The following HEATR5A variants were observed in gnomAD, a reference collection of about 807,000 sequenced individuals.
HEATR5A encodes the protein HEAT repeat containing 5A.
Under a neutral mutation model 218.8 loss-of-function variants are expected in HEATR5A, and 178 were observed. The observed-to-expected ratio is 0.81, with a 90% CI of 0.72 to 0.92. HEATR5A has a LOEUF of 0.92. Ranked by LOEUF, HEATR5A falls within the 40% of genes least tolerant of loss-of-function variation. The probability of loss-of-function intolerance (pLI) is 0.00; values close to 1 mark genes in which losing one functional copy is unlikely to be tolerated. For synonymous variants in HEATR5A, 864 were observed against 871.6 expected (o/e 0.99, Z 0.15); for missense variants, 2,420 against 2,418.9 (o/e 1.00, Z -0.01).
chr14:31,385,270 A>G (rs1278171809), intron 9 of HEATR5A, among the ~76,000 whole-genome samples: 1 of 152,050 alleles, frequency 6.6e-6, no homozygotes, highest in Non-Finnish European at 1.5e-5. Flanking sequence ...GGACTACTAC[A>G]AGTGCACACC....
In HEATR5A at chr14:31,352,373, C is replaced by T. The variant is rs17097832; in HGVS notation, c.2412-1656G>A. On this transcript the variant is annotated intron_variant, in intron 16 of 35. Transcript: ENST00000543095. ...AAGACAACAGCATCAGGTAATTAAA[C>T]ACACGGCATGACTGGCTGAACATGA... 3.9e-3 allele frequency among the ~76,000 whole-genome samples: 588 copies of T among 152,284 alleles called. 9 individuals are homozygous for T. Among genetic ancestry groups the T allele is most frequent in the African/African-American group, 0.013 (542 of 41,562 alleles).
chr14:31,328,890 GAAA>G (rs71112399), intron 22 of HEATR5A, among the ~76,000 whole-genome samples: 2 of 143,080 alleles, frequency 1.4e-5, no homozygotes, highest in Admixed American at 7.0e-5. Flanking sequence ...GAAAGAAAAG[GAAA>G]AAAAAAAAAA....
chr14:31,329,203 C>T (rs1330711638), intron 22 of HEATR5A, among the ~76,000 whole-genome samples: 1 of 152,176 alleles, frequency 6.6e-6, no homozygotes, highest in Non-Finnish European at 1.5e-5. Flanking sequence ...CAAGCCATAT[C>T]ATTCCACCCC....
intron 13 of HEATR5A, among the ~76,000 whole-genome samples, chr14:31,369,511 C>G (rs1346199197): frequency 7.2e-6 from 1 of 139,162 alleles, no homozygotes; most frequent in Non-Finnish European, 1.5e-5. Context: ...CTGGGGAGAC[C>G]GAAGCAGGAG....
intron 12 of HEATR5A, among the ~76,000 whole-genome samples, chr14:31,373,257 A>G (rs1902105743): frequency 6.6e-6 from 1 of 152,072 alleles, no homozygotes; most frequent in South Asian, 2.1e-4. Context: ...TAAAAATGCC[A>G]TGAATAAACA....
At chr14:31,328,890 G>A (rs1198112888) in intron 22 of HEATR5A, among the ~76,000 whole-genome samples, 9 of 143,086 alleles carry the variant, frequency 6.3e-5, no homozygotes, top group African/African-American at 1.3e-4. Context: ...GAAAGAAAAG[G>A]AAAAAAAAAA....
intron 34 of HEATR5A, 99 bp downstream of exon 34, chr14:31,295,810 C>G (rs1899171611): frequency 1.1e-6 from 1 of 905,986 alleles, no homozygotes; most frequent in African/African-American, 1.7e-5. Flanking sequence ...AAATTGTAGT[C>G]TAATACTTCC....
chr14:31,382,646 G>A (rs1294876285), intron 10 of HEATR5A, among the ~76,000 whole-genome samples: 4 of 151,390 alleles, frequency 2.6e-5, no homozygotes, highest in African/African-American at 9.7e-5. Flanking sequence ...ATTAAAACTG[G>A]GTTATTTATT....
intron 1 of HEATR5A, among the ~76,000 whole-genome samples, chr14:31,413,557 G>T (rs1454471969): frequency 6.6e-6 from 1 of 152,072 alleles, no homozygotes; most frequent in African/African-American, 2.4e-5. Flanking sequence ...AAGCGTAAAA[G>T]AAAGTGTTCT....
chr14:31,327,163 C>A (rs565507297), intron 22 of HEATR5A, among the ~76,000 whole-genome samples: 1 of 151,354 alleles, frequency 6.6e-6, no homozygotes, highest in South Asian at 2.1e-4. Flanking sequence ...TTAGTAGAGA[C>A]GGGGTTTCAC....
chr14:31,416,475 T>C (rs2031453232), intron 1 of HEATR5A, among the ~76,000 whole-genome samples: 1 of 152,184 alleles, frequency 6.6e-6, no homozygotes, highest in African/African-American at 2.4e-5. Flanking sequence ...TTTAAAATTA[T>C]CACCTTCTTC....
Position 31,386,422 on chromosome 14 carries a change from G to A in HEATR5A, c.1343C>T (p.Thr448Ile). Residue 448 changes from threonine to isoleucine, a missense_variant and splice_region_variant, in exon 9 of 36, where the codon ACA becomes ATA. By Grantham distance (89) the Thr-to-Ile change is moderately conservative. Coordinates refer to ENST00000543095, the MANE Select transcript of HEATR5A (RefSeq NM_015473.4). ...TAAPLLQDSSTGLLDSILSVI... is the reference protein window; with the variant it reads ...TAAPLLQDSSIGLLDSILSVI... ...CAATGAGTCACAAACAGATATACCT[G>A]TACTTGAATCCTGTAGCAAAGGTGC... 1 of 1,612,978 alleles carries A rather than the reference G, an allele frequency of 6.2e-7. No homozygotes were observed. Among genetic ancestry groups the A allele is most frequent in the Non-Finnish European group, 8.5e-7 (1 of 1,179,284 alleles).
intron 14 of HEATR5A, among the ~76,000 whole-genome samples, chr14:31,359,429 A>G (rs565491257): frequency 7.2e-5 from 11 of 152,212 alleles, no homozygotes; most frequent in African/African-American, 2.4e-4. Context: ...GAAAAAATGT[A>G]TAAGAATTAG....
intron 1 of HEATR5A, among the ~76,000 whole-genome samples, chr14:31,405,201 A>G (rs2031017941): frequency 6.6e-6 from 1 of 152,180 alleles, no homozygotes; most frequent in South Asian, 2.1e-4. Context: ...TGGGAAGCCA[A>G]TGCAGGCAGA....
At chr14:31,355,273 G>C (rs1681530894) in intron 16 of HEATR5A, among the ~76,000 whole-genome samples, 1 of 152,066 alleles carries the variant, frequency 6.6e-6, no homozygotes, top group African/African-American at 2.4e-5. Context: ...AATTAGCCAG[G>C]CATGGTGGCG....
intron 22 of HEATR5A, among the ~76,000 whole-genome samples, chr14:31,329,921 C>T (rs1566756555): frequency 6.6e-6 from 1 of 152,158 alleles, no homozygotes; most frequent in East Asian, 1.9e-4. Flanking sequence ...CCATGTTGCC[C>T]AAGCTGGTCT....
At chr14:31,380,622 A>AG in intron 10 of HEATR5A, 44 bp from the exon 11 acceptor site, 1 of 1,196,038 alleles carries the variant, frequency 8.4e-7, no homozygotes, top group Non-Finnish European at 1.2e-6. Context: ...ATATCAGTTT[A>AG]TAAATTACTA....
intron 1 of HEATR5A, among the ~76,000 whole-genome samples, chr14:31,405,309 C>T (rs2031022154): frequency 6.6e-6 from 1 of 152,086 alleles, no homozygotes; most frequent in African/African-American, 2.4e-5. Context: ...TGGTGTGCAC[C>T]TGCGGTCCCA....
intron 14 of HEATR5A, among the ~76,000 whole-genome samples, chr14:31,361,038 G>A (rs1004224135): frequency 6.6e-6 from 1 of 152,086 alleles, no homozygotes; most frequent in Non-Finnish European, 1.5e-5. Context: ...ATAAGGTCAG[G>A]TTAGTATGTT....
Sources: allele counts gnomAD v4.1 joint callset (sites outside exome capture counted in the v4.1 genomes callset), GRCh38; gene constraint gnomAD v4.1.1; transcripts MANE v1.5; gene names NCBI Gene and HGNC (gene_info 2026-07-23, HGNC 2026-07-21).